The following PMM2 variants were observed in gnomAD, a reference collection of about 807,000 sequenced individuals.
The protein encoded by PMM2 is phosphomannomutase 2.
Under a neutral mutation model 33.2 loss-of-function variants are expected in PMM2, and 35 were observed. The ratio of observed to expected loss-of-function variants is 1.06; its 90% CI spans 0.81 to 1.40. The LOEUF is 1.40. PMM2 is among the 40% of genes most tolerant of loss of function. PMM2 has a pLI of 0.00. For missense variants in PMM2, 386 were observed against 306.0 expected, an observed-to-expected ratio of 1.26 and a Z score of -1.95; for synonymous variants, 153 against 114.7, an observed-to-expected ratio of 1.33 and a Z score of -2.13.
chr16:8,847,798 C>G lies in PMM2; in HGVS notation c.714C>G (p.Arg238=), dbSNP rs141562154. Residue 238 remains arginine (R), a synonymous_variant, in exon 8 of 8, where the codon CGC becomes CGG. Coordinates refer to ENST00000268261, the MANE Select transcript of PMM2 (RefSeq NM_000303.3). The part of the protein sequence containing the change: ...GYSVTAPEDT[R]RICELLFS ...CCGTGACAGCGCCTGAGGACACGCG[C>G]AGGATCTGTGAACTGCTGTTCTCCT... 3 of 1,613,630 alleles carry G rather than the reference C, an allele frequency of 1.9e-6. No individual in the cohort carries two copies. The highest frequency in any genetic ancestry group is 1.7e-6 in the Non-Finnish European group (2 of 1,179,774).
In PMM2 at chr16:8,848,639, G is replaced by A. The variant is rs966887499; in HGVS notation, c.*814G>A. On this transcript the variant is annotated 3_prime_UTR_variant, in exon 8 of 8. Coordinates refer to ENST00000268261, the MANE Select transcript of PMM2 (RefSeq NM_000303.3). ...TTGCCCTGGGGCCGGTTCTTACCCA[G>A]GTCCAGAGAAACCAACGCGGGATGT... 1 of 152,248 alleles carries A rather than the reference G, an allele frequency of 6.6e-6. No individual in the cohort carries two copies. Among genetic ancestry groups the A allele is most frequent in the Non-Finnish European group, 1.5e-5 (1 of 68,056 alleles). 9.4% of individuals were successfully genotyped at this position (152,248 alleles called of 1,614,324 possible).
intron 7 of PMM2, among the ~76,000 whole-genome samples, chr16:8,844,583 C>T (rs925319561): frequency 9.2e-5 from 14 of 152,142 alleles, no homozygotes; most frequent in Admixed American, 2.6e-4. Context: ...CGGGACTTGC[C>T]GCTAAGGGTT....
intron 7 of PMM2, among the ~76,000 whole-genome samples, chr16:8,845,822 A>G (rs979663009): frequency 3.3e-5 from 5 of 150,138 alleles, no homozygotes; most frequent in African/African-American, 1.2e-4. Flanking sequence ...TAATTAGAAG[A>G]ATTACTGGAA....
intron 7 of PMM2, among the ~76,000 whole-genome samples, chr16:8,838,574 T>C (rs907986625): frequency 1.8e-4 from 27 of 151,314 alleles, no homozygotes; most frequent in African/African-American, 6.1e-4. Flanking sequence ...TGAAGGGAGG[T>C]CTTGTGGTAA....
intron 7 of PMM2, among the ~76,000 whole-genome samples, chr16:8,819,467 C>T (rs149803927): frequency 6.6e-6 from 1 of 152,220 alleles, no homozygotes; most frequent in Non-Finnish European, 1.5e-5. Context: ...AGAATTGCCA[C>T]CTAGGTCTTA....
At chr16:8,832,218 T>C in intron 7 of PMM2, 1 of 985,274 alleles carries the variant, frequency 1.0e-6, no homozygotes. Context: ...AGCAGACCCT[T>C]GGCGGGAGAG....
chr16:8,825,691 G>A (rs4985002), intron 7 of PMM2, among the ~76,000 whole-genome samples: 135,811 of 151,588 alleles, frequency 0.9, 61,221 homozygotes, highest in East Asian at 0.98. Context: ...TAACATTTTC[G>A]TAAACCTTTT....
At chr16:8,820,217 C>T (rs1197974853) in intron 7 of PMM2, among the ~76,000 whole-genome samples, 1 of 151,996 alleles carries the variant, frequency 6.6e-6, no homozygotes, top group Non-Finnish European at 1.5e-5. Flanking sequence ...TAAAGAAAAA[C>T]AAAATTAGCT....
At chr16:8,803,251 C>G (rs1238285729) in intron 2 of PMM2, among the ~76,000 whole-genome samples, 1 of 152,184 alleles carries the variant, frequency 6.6e-6, no homozygotes, top group Non-Finnish European at 1.5e-5. Flanking sequence ...CTCTTTAAAA[C>G]TCTCTCTTCC....
intron 7 of PMM2, among the ~76,000 whole-genome samples, chr16:8,834,634 T>G (rs1194807141): frequency 1.3e-5 from 2 of 152,070 alleles, no homozygotes; most frequent in Admixed American, 6.5e-5. Flanking sequence ...GAATAGCAGA[T>G]GGAACACTGA....
chr16:8,817,926 C>T (rs1309762185), intron 7 of PMM2, among the ~76,000 whole-genome samples: 2 of 130,356 alleles, frequency 1.5e-5, no homozygotes, highest in African/African-American at 2.9e-5. Context: ...TTTTTTGAGA[C>T]AGAGTCTTGC....
chr16:8,825,538 C>A (rs370429374), intron 7 of PMM2, among the ~76,000 whole-genome samples: 1 of 151,434 alleles, frequency 6.6e-6, no homozygotes. Context: ...CCAGGCTGGT[C>A]TTGAACTCCT....
intron 7 of PMM2, among the ~76,000 whole-genome samples, chr16:8,845,256 A>T (rs1038362303): frequency 1.3e-5 from 2 of 152,172 alleles, no homozygotes; most frequent in African/African-American, 4.8e-5. Flanking sequence ...GAGAATTTCA[A>T]AGAACCTTCT....
At chr16:8,818,959 G>C (rs1273574265) in intron 7 of PMM2, among the ~76,000 whole-genome samples, 3 of 152,216 alleles carry the variant, frequency 2.0e-5, no homozygotes, top group African/African-American at 7.2e-5. Context: ...ATCACCCTCA[G>C]CCACTCTGAA....
At chr16:8,846,752 G>C (rs1256334979) in intron 7 of PMM2, among the ~76,000 whole-genome samples, 4 of 152,186 alleles carry the variant, frequency 2.6e-5, no homozygotes, top group African/African-American at 9.7e-5. Context: ...TTTGGAGATG[G>C]GGAGTTGGCG....
intron 2 of PMM2, chr16:8,802,321 G>C (rs1461441305): frequency 2.2e-6 from 1 of 455,974 alleles, no homozygotes; most frequent in Non-Finnish European, 4.4e-6. Context: ...AAAAACCAGA[G>C]AGGCTTATTG....
intron 7 of PMM2, among the ~76,000 whole-genome samples, chr16:8,846,724 C>T (rs1450623135): frequency 6.6e-6 from 1 of 152,198 alleles, no homozygotes; most frequent in Non-Finnish European, 1.5e-5. Flanking sequence ...TGTGAGCAAG[C>T]TTCCATCATG....
intron 7 of PMM2, among the ~76,000 whole-genome samples, chr16:8,814,266 A>G (rs2060694046): frequency 6.6e-6 from 1 of 152,098 alleles, no homozygotes; most frequent in South Asian, 2.1e-4. Context: ...CTGGGATGAC[A>G]GGCCGCGCCC....
At chr16:8,842,443 G>T (rs891400953) in intron 7 of PMM2, 9 of 152,236 alleles carry the variant, frequency 5.9e-5, no homozygotes, top group African/African-American at 2.2e-4. Flanking sequence ...AGTAATGAGG[G>T]CTGTCCCTGA....
Sources: gnomAD v4.1 joint callset for allele counts (sites outside exome capture counted in the v4.1 genomes callset) on GRCh38, gnomAD v4.1.1 for gene constraint, MANE v1.5 for transcripts, NCBI Gene and HGNC (gene_info 2026-07-23, HGNC 2026-07-21) for gene names.